Variants in IGLL5 observed in about 807,000 individuals in gnomAD.
IGLL5 encodes immunoglobulin lambda-like polypeptide 5.
IGLL5 carries 30 observed loss-of-function variants against 20.9 expected under a neutral mutation model. The observed-to-expected ratio is 1.44, with a 90% CI of 1.07 to 1.95. IGLL5 has a LOEUF of 1.95. IGLL5 is among the 30% of genes most tolerant of loss of function. The probability of loss-of-function intolerance (pLI) is 0.00; values close to 1 mark genes in which losing one functional copy is unlikely to be tolerated. For synonymous variants in IGLL5, 203 were observed against 117.3 expected (o/e 1.73, Z -4.72); for missense variants, 475 against 270.7 (o/e 1.75, Z -5.30).
chr22:22,889,447 T>A (rs151009823), intron 1 of IGLL5, among the ~76,000 whole-genome samples: 1 of 151,206 alleles, frequency 6.6e-6, no homozygotes, highest in African/African-American at 2.4e-5. Flanking sequence ...TCCTAAGGGT[T>A]GGTTGGGGGA....
At chr22:22,889,886 G>T (rs539846535) in intron 1 of IGLL5, among the ~76,000 whole-genome samples, 4 of 151,374 alleles carry the variant, frequency 2.6e-5, no homozygotes, top group African/African-American at 9.7e-5. Flanking sequence ...GTGAGCCACT[G>T]CACCTGACCC....
At chr22:22,888,320 C>G (rs182891015) in intron 1 of IGLL5, 61 bp downstream of exon 1, 9 of 1,487,900 alleles carry the variant, frequency 6.0e-6, no homozygotes, top group East Asian at 5.0e-5. Context: ...GAAAGGGTGA[C>G]CAAGGGGAGA....
At chr22:22,888,775 A>C (rs578051511) in intron 1 of IGLL5, among the ~76,000 whole-genome samples, 1 of 151,358 alleles carries the variant, frequency 6.6e-6, no homozygotes, top group East Asian at 2.0e-4. Context: ...GCCAGGCTCA[A>C]GGACACAGGG....
chr22:22,893,974 CGGG>C, intron 2 of IGLL5, among the ~76,000 whole-genome samples, 156 bp downstream of exon 2: 1 of 151,416 alleles, frequency 6.6e-6, no homozygotes, highest in Admixed American at 6.6e-5. Flanking sequence ...CATTAGTCTC[CGGG>C]TAACCGGCAG....
intron 2 of IGLL5, among the ~76,000 whole-genome samples, 163 bp downstream of exon 2, chr22:22,893,981 CCGG>C: frequency 6.6e-6 from 1 of 151,112 alleles, no homozygotes; most frequent in Non-Finnish European, 1.5e-5. Flanking sequence ...CTCCGGGTAA[CCGG>C]CAGGAAGGGC....
chr22:22,894,197 G>GGGT, intron 2 of IGLL5, among the ~76,000 whole-genome samples: 1 of 151,486 alleles, frequency 6.6e-6, no homozygotes, highest in Non-Finnish European at 1.5e-5. Flanking sequence ...GTGGGCCTGG[G>GGGT]AGCTGCTGAG....
At chr22:22,891,708 A>G (rs1195211855) in intron 1 of IGLL5, among the ~76,000 whole-genome samples, 1 of 151,270 alleles carries the variant, frequency 6.6e-6, no homozygotes, top group East Asian at 2.0e-4. Flanking sequence ...ATTCATGCAA[A>G]TCTTGCACAC....
At chr22:22,894,021 G>A (rs573769725) in intron 2 of IGLL5, among the ~76,000 whole-genome samples, 7 of 151,552 alleles carry the variant, frequency 4.6e-5, no homozygotes, top group South Asian at 2.1e-4. Flanking sequence ...GCCGGATGCA[G>A]CCTGGTCCCG....
rs1384171899 is a variant in IGLL5, at chr22:22,895,409, C to A, written c.360C>A (p.Phe120Leu). The change falls in exon 3 of 3, where the codon TTC (phenylalanine) becomes TTA (leucine). Residue 120 changes from phenylalanine to leucine, a missense_variant. Coordinates refer to ENST00000526893, the MANE Select transcript of IGLL5 (RefSeq NM_001178126.2). ...AGGCCAACCCCACTGTCACTCTGTT[C>A]CCGCCCTCCTCTGAGGAGCTCCAAG... ...QPKANPTVTL[F>L]PPSSEELQAN... 2.5e-6 allele frequency: 4 copies of A among 1,612,982 alleles called. No homozygotes were observed. The highest frequency in any genetic ancestry group is 3.4e-6 in the Non-Finnish European group (4 of 1,179,540).
rs150867456 is a variant in IGLL5, at chr22:22,895,892, G to A, written c.*198G>A. 5.7e-5 allele frequency: 37 copies of A among 643,670 alleles called. No individual in the cohort carries two copies. Among genetic ancestry groups the A allele is most frequent in the Middle Eastern group, 4.3e-4 (1 of 2,310 alleles). The allele number at this position is 643,670 out of a possible 1,614,324, so 39.9% of individuals were successfully genotyped here. A position where few individuals can be genotyped will look rare whatever the true frequency, so the allele number is the denominator to read the frequency against. ...ATTGCTAGCCTCCCCGGGGTTCTCAGTGTGGGGTACAGGGAATTCTGCACC... is the reference window on the plus strand; with the variant it reads ...ATTGCTAGCCTCCCCGGGGTTCTCAATGTGGGGTACAGGGAATTCTGCACC... On this transcript the variant is annotated 3_prime_UTR_variant, in exon 3 of 3. Coordinates refer to ENST00000526893, the MANE Select transcript of IGLL5 (RefSeq NM_001178126.2).
chr22:22,890,616 A>C (rs2067812688), intron 1 of IGLL5, among the ~76,000 whole-genome samples: 2 of 147,462 alleles, frequency 1.4e-5, no homozygotes, highest in East Asian at 2.2e-4. Flanking sequence ...TACAAAGTGC[A>C]CTTATATATC....
At chr22:22,890,274 C>G (rs550143927) in intron 1 of IGLL5, among the ~76,000 whole-genome samples, 2 of 149,390 alleles carry the variant, frequency 1.3e-5, no homozygotes, top group South Asian at 2.2e-4. Context: ...GGTCAATATA[C>G]TTCCAGAACT....
chr22:22,891,405 A>T (rs538639096), intron 1 of IGLL5, among the ~76,000 whole-genome samples: 3 of 151,310 alleles, frequency 2.0e-5, no homozygotes, highest in African/African-American at 7.3e-5. Flanking sequence ...TTATTGAGCT[A>T]TTCCTGCGCC....
At chr22:22,888,819 A>G (rs1393217214) in intron 1 of IGLL5, among the ~76,000 whole-genome samples, 4 of 151,392 alleles carry the variant, frequency 2.6e-5, no homozygotes, top group Middle Eastern at 3.7e-3. Flanking sequence ...CTGTCCAGTC[A>G]TTGGAACAGG....
intron 1 of IGLL5, among the ~76,000 whole-genome samples, chr22:22,889,461 A>T (rs1601608364): frequency 6.6e-6 from 1 of 151,376 alleles, no homozygotes. Flanking sequence ...TGGGGGAATA[A>T]TCAAAGCTGT....
intron 2 of IGLL5, among the ~76,000 whole-genome samples, chr22:22,894,079 G>C (rs572931021): frequency 3.3e-5 from 5 of 151,488 alleles, no homozygotes; most frequent in East Asian, 2.0e-4. Context: ...CTCTCTTCCA[G>C]GGCAGATGTC....
At chr22:22,891,622 T>C (rs1407677196) in intron 1 of IGLL5, among the ~76,000 whole-genome samples, 2 of 151,362 alleles carry the variant, frequency 1.3e-5, no homozygotes, top group African/African-American at 4.8e-5. Flanking sequence ...AGAACTGCTA[T>C]CTTTATAATG....
rs767047901 is a variant in IGLL5, at chr22:22,895,518, G to A, written c.469G>A (p.Val157Ile). Residue 157 changes from valine (V) to isoleucine (I), a missense_variant, in exon 3 of 3, where the codon GTC (valine) becomes ATC (isoleucine). Transcript: ENST00000526893. ...TVAWKADGSP[V>I]KAGVETTKPS... ...GGCCTGGAAGGCAGATGGCAGCCCC[G>A]TCAAGGCGGGAGTGGAGACCACCAA... 2.5e-5 allele frequency: 40 copies of A among 1,612,592 alleles called. No homozygotes were observed. The highest frequency in any genetic ancestry group is 7.7e-5 in the South Asian group (7 of 91,018).
At chr22:22,895,319 C>G in intron 2 of IGLL5, 56 bp from the exon 3 acceptor site, 1 of 1,511,604 alleles carries the variant, frequency 6.6e-7, no homozygotes. Flanking sequence ...GAGAGGGGCT[C>G]CACAACACCC....
Sources: gnomAD v4.1 joint callset for allele counts (sites outside exome capture counted in the v4.1 genomes callset) on GRCh38, gnomAD v4.1.1 for gene constraint, MANE v1.5 for transcripts, NCBI Gene and HGNC (gene_info 2026-07-23, HGNC 2026-07-21) for gene names.